Variants in ME1 observed in about 807,000 individuals in gnomAD.
ME1 encodes NADP-dependent malic enzyme.
In ME1, 74 loss-of-function variants were observed where a neutral mutation model predicts 66.4. The observed-to-expected ratio is 1.11, with a 90% CI of 0.92 to 1.35. The LOEUF is 1.35. ME1 is among the 40% of genes most tolerant of loss of function. The pLI is 0.00. For synonymous variants in ME1, 251 were observed against 235.6 expected, an observed-to-expected ratio of 1.07 and a Z score of -0.60; for missense variants, 750 against 694.1, an observed-to-expected ratio of 1.08 and a Z score of -0.90.
At chr6:83,385,687 C>T (rs1769491414) in intron 3 of ME1, among the ~76,000 whole-genome samples, 1 of 151,774 alleles carries the variant, frequency 6.6e-6, no homozygotes, top group African/African-American at 2.4e-5. Context: ...TACATTTTTT[C>T]CATTCTCCAA....
intron 6 of ME1, among the ~76,000 whole-genome samples, chr6:83,285,271 A>G (rs1038131202): frequency 3.3e-5 from 5 of 152,216 alleles, no homozygotes; most frequent in African/African-American, 9.6e-5. Flanking sequence ...CAAAAAGCAT[A>G]AAAGCTTTAA....
chr6:83,333,984 A>G (rs925883436), intron 5 of ME1, among the ~76,000 whole-genome samples: 9 of 151,956 alleles, frequency 5.9e-5, no homozygotes, highest in African/African-American at 1.7e-4. Flanking sequence ...GAATAGGAAC[A>G]GCTCTGGTCT....
At chr6:83,297,298 G>C (rs1767617008) in intron 6 of ME1, among the ~76,000 whole-genome samples, 1 of 152,076 alleles carries the variant, frequency 6.6e-6, no homozygotes, top group South Asian at 2.1e-4. Context: ...CACTGCGGAA[G>C]GAAATCAGAG....
At chr6:83,281,683 A>G (rs1767290706) in intron 6 of ME1, among the ~76,000 whole-genome samples, 2 of 151,316 alleles carry the variant, frequency 1.3e-5, no homozygotes, top group South Asian at 4.2e-4. Context: ...GTGGGAGTCT[A>G]TAATTCCAGC....
At chr6:83,312,966 A>G (rs1024650084) in intron 6 of ME1, among the ~76,000 whole-genome samples, 1 of 152,140 alleles carries the variant, frequency 6.6e-6, no homozygotes, top group Non-Finnish European at 1.5e-5. Flanking sequence ...CATGCTGGCC[A>G]GGCTGGTCTC....
chr6:83,256,333 A>G (rs1470812893), intron 6 of ME1, among the ~76,000 whole-genome samples: 1 of 152,210 alleles, frequency 6.6e-6, no homozygotes, highest in Non-Finnish European at 1.5e-5. Flanking sequence ...TAGAAGCCAT[A>G]GGCAGGTAAA....
intron 6 of ME1, among the ~76,000 whole-genome samples, chr6:83,310,966 A>G (rs779581943): frequency 6.6e-5 from 10 of 152,162 alleles, no homozygotes; most frequent in Non-Finnish European, 1.3e-4. Flanking sequence ...AATTTGCCAC[A>G]TGGAATGGGA....
chr6:83,230,360 C>T (rs1384886713), intron 9 of ME1, among the ~76,000 whole-genome samples: 1 of 151,786 alleles, frequency 6.6e-6, no homozygotes, highest in East Asian at 1.9e-4. Context: ...TAGAGACAGG[C>T]TCTGTTTTTA....
intron 1 of ME1, among the ~76,000 whole-genome samples, chr6:83,412,011 A>G (rs1770057212): frequency 6.6e-6 from 1 of 152,200 alleles, no homozygotes; most frequent in African/African-American, 2.4e-5. Flanking sequence ...GAGACTGTCA[A>G]GCAGAAATGA....
intron 5 of ME1, among the ~76,000 whole-genome samples, chr6:83,341,330 T>G (rs930860560): frequency 2.0e-5 from 3 of 152,214 alleles, no homozygotes; most frequent in Non-Finnish European, 4.4e-5. Flanking sequence ...TGTGTATCTT[T>G]AGCCCATAAT....
intron 6 of ME1, among the ~76,000 whole-genome samples, chr6:83,314,017 G>A (rs1208360182): frequency 6.6e-6 from 1 of 152,154 alleles, no homozygotes; most frequent in Non-Finnish European, 1.5e-5. Context: ...TGCATCTCTA[G>A]TTAGAGTTAA....
chr6:83,244,357 C>T (rs1311486349), intron 7 of ME1, among the ~76,000 whole-genome samples: 1 of 152,108 alleles, frequency 6.6e-6, no homozygotes, highest in Non-Finnish European at 1.5e-5. Context: ...AAACTGTGTG[C>T]AGTGTTGCTG....
At chr6:83,314,547 T>C (rs535795686) in intron 6 of ME1, among the ~76,000 whole-genome samples, 1 of 152,328 alleles carries the variant, frequency 6.6e-6, no homozygotes, top group African/African-American at 2.4e-5. Context: ...TCGATGTACA[T>C]AAACTTTGTT....
chr6:83,238,356 G>T (rs1478236740), intron 8 of ME1, among the ~76,000 whole-genome samples: 1 of 152,100 alleles, frequency 6.6e-6, no homozygotes, highest in Non-Finnish European at 1.5e-5. Flanking sequence ...TTGGTATTTG[G>T]TAAATTTTAT....
chr6:83,359,420 G>A (rs1768963023), intron 3 of ME1, among the ~76,000 whole-genome samples: 1 of 152,160 alleles, frequency 6.6e-6, no homozygotes, highest in Non-Finnish European at 1.5e-5. Flanking sequence ...GCATGTGAGT[G>A]GATATTAAGG....
chr6:83,321,032 C>A (rs1348010315), intron 5 of ME1, among the ~76,000 whole-genome samples: 1 of 152,146 alleles, frequency 6.6e-6, no homozygotes, highest in Non-Finnish European at 1.5e-5. Context: ...GGCATCGCTG[C>A]ACCCAGGAAG....
intron 6 of ME1, among the ~76,000 whole-genome samples, chr6:83,282,843 A>G (rs1767322949): frequency 6.6e-6 from 1 of 152,210 alleles, no homozygotes; most frequent in African/African-American, 2.4e-5. Flanking sequence ...ACAATAGCAA[A>G]GATATGGAAC....
At chr6:83,348,667 A>G (rs1026584182) in intron 4 of ME1, among the ~76,000 whole-genome samples, 2 of 151,716 alleles carry the variant, frequency 1.3e-5, no homozygotes, top group African/African-American at 4.8e-5. Context: ...ATGTTAAACT[A>G]AATATATGTC....
intron 5 of ME1, among the ~76,000 whole-genome samples, chr6:83,325,725 CAAAT>C (rs138818045): frequency 0.058 from 8,777 of 151,934 alleles, 461 homozygotes; most frequent in African/African-American, 0.14. Context: ...AGGACACAAA[CAAAT>C]GGAAAAACCT....
Sources: gnomAD v4.1 joint callset for allele counts (sites outside exome capture counted in the v4.1 genomes callset) on GRCh38, gnomAD v4.1.1 for gene constraint, MANE v1.5 for transcripts, NCBI Gene and HGNC (gene_info 2026-07-23, HGNC 2026-07-21) for gene names.